MAD1L1: variants seen among roughly 807,000 people sequenced by gnomAD.
The protein encoded by MAD1L1 is mitotic arrest deficient 1 like 1.
Under a neutral mutation model 96.9 loss-of-function variants are expected in MAD1L1, and 95 were observed. That is an observed-to-expected ratio of 0.98 (90% confidence interval 0.83 to 1.16). The LOEUF (loss-of-function observed/expected upper bound fraction) is 1.16. Ranked by LOEUF, MAD1L1 falls within the 50% of genes most tolerant of loss-of-function variation. The pLI, the probability that MAD1L1 is intolerant of heterozygous loss-of-function variation, is 0.00. For synonymous variants in MAD1L1, 473 were observed against 396.6 expected (o/e 1.19, Z -2.29); for missense variants, 1,007 against 954.4 (o/e 1.06, Z -0.73).
chr7:2,128,994 T>C (rs538376233), intron 11 of MAD1L1, among the ~76,000 whole-genome samples: 34 of 152,228 alleles, frequency 2.2e-4, no homozygotes, highest in African/African-American at 7.0e-4. Flanking sequence ...CTTGAGGAGA[T>C]GGGGAGTGCT....
chr7:1,886,409 G>A lies in MAD1L1; in HGVS notation c.1998+11791C>T, dbSNP rs554423581. 6.6e-5 allele frequency among the ~76,000 whole-genome samples: 10 copies of A among 152,358 alleles called. No individual in the cohort carries two copies. In the South Asian group the frequency reaches 1.9e-3, roughly 28 times the overall value. ...CAAAGCGGATGCTTCATCTGAGAGT[G>A]ATAAATCCTGTGCAAATCTCAGCCT... is the stretch of plus-strand genomic sequence containing the variant. On this transcript the variant is annotated intron_variant, in intron 18 of 18. Coordinates refer to ENST00000265854, the MANE Select transcript of MAD1L1 (RefSeq NM_001013836.2).
chr7:2,196,394 C>T (rs1791986235), intron 10 of MAD1L1, among the ~76,000 whole-genome samples: 1 of 152,204 alleles, frequency 6.6e-6, no homozygotes, highest in Non-Finnish European at 1.5e-5. Context: ...TTCATTCCCA[C>T]CAGCGTCATT....
intron 5 of MAD1L1, 115 bp downstream of exon 5, chr7:2,222,460 C>T: frequency 2.4e-6 from 2 of 850,834 alleles, no homozygotes; most frequent in Admixed American, 6.0e-5. Context: ...CAAAACGCAG[C>T]TGCCCGTGTG....
At chr7:2,107,265 G>C (rs921018263) in intron 11 of MAD1L1, among the ~76,000 whole-genome samples, 1 of 152,220 alleles carries the variant, frequency 6.6e-6, no homozygotes, top group African/African-American at 2.4e-5. Context: ...CCGGTGGCAG[G>C]AAGCCCAGTC....
chr7:1,962,518 A>C (rs1487305182), intron 15 of MAD1L1, among the ~76,000 whole-genome samples: 1 of 152,256 alleles, frequency 6.6e-6, no homozygotes, highest in Admixed American at 6.5e-5. Flanking sequence ...AAAAGACAAG[A>C]CACAGACTGG....
rs1001732622 is a variant in MAD1L1, at chr7:1,873,731, G to A, written c.1998+24469C>T. Among the ~76,000 whole-genome samples the A allele has an allele frequency of 2.6e-5, 4 of 152,092 alleles. 1 individual carries two copies. Among genetic ancestry groups the A allele is most frequent in the Non-Finnish European group, 4.4e-5 (3 of 68,000 alleles). On this transcript the variant is annotated intron_variant, in intron 18 of 18. Transcript: ENST00000265854. Reference sequence around the variant, plus strand: ...TGCAGGATGTGCCCTGACAAGGGCCGCAGCTCACCCCTGATGGACACCCCC... The same window carrying A: ...TGCAGGATGTGCCCTGACAAGGGCCACAGCTCACCCCTGATGGACACCCCC...
intron 10 of MAD1L1, among the ~76,000 whole-genome samples, chr7:2,190,246 A>G (rs895746522): frequency 1.3e-5 from 2 of 152,232 alleles, no homozygotes; most frequent in African/African-American, 4.8e-5. Flanking sequence ...GCAAAGGCCC[A>G]TGAATGTATG....
At chr7:1,907,202 C>G (rs1294881422) in intron 17 of MAD1L1, among the ~76,000 whole-genome samples, 1 of 152,224 alleles carries the variant, frequency 6.6e-6, no homozygotes, top group Non-Finnish European at 1.5e-5. Flanking sequence ...CACCGCCTTG[C>G]CCCTGTCCCA....
intron 17 of MAD1L1, among the ~76,000 whole-genome samples, chr7:1,923,359 C>T (rs1332590568): frequency 6.6e-6 from 1 of 152,234 alleles, no homozygotes; most frequent in African/African-American, 2.4e-5. Flanking sequence ...CACAGCTTGT[C>T]AAGAGAAGCC....
intron 10 of MAD1L1, among the ~76,000 whole-genome samples, chr7:2,161,229 G>T (rs75340993): frequency 0.25 from 36,854 of 150,186 alleles, 5,490 homozygotes; most frequent in Middle Eastern, 0.32. Context: ...GCCTCAGCCT[G>T]CTGAGTGCCT....
rs1363859149 is a variant in MAD1L1 at position 1,903,949 on chromosome 7, G to A, written c.1808-5559C>T. Among the ~76,000 whole-genome samples the A allele has an allele frequency of 1.1e-3, 117 of 110,670 alleles. 11 individuals carry two copies. The East Asian group carries it at 0.013, about 12-fold the overall frequency. 72.6% of individuals were successfully genotyped at this position (110,670 alleles called of 152,430 possible). On this transcript the variant is annotated intron_variant, in intron 17 of 18. Coordinates refer to ENST00000265854, the MANE Select transcript of MAD1L1 (RefSeq NM_001013836.2). ...AGGCAGCGAGGACGCAGTGGCCTAC[G>A]GAAGACACTCTTGCGGAACTCATGA...
intron 17 of MAD1L1, among the ~76,000 whole-genome samples, chr7:1,905,223 G>A (rs759415208): frequency 2.2e-5 from 2 of 91,050 alleles, no homozygotes; most frequent in Admixed American, 1.2e-4. Context: ...CATGATTGAT[G>A]AAGCACTGTT....
rs765173893 is a variant in MAD1L1, at chr7:2,114,939, C to T, written c.1073+34213G>A. 5.9e-5 allele frequency among the ~76,000 whole-genome samples: 9 copies of T among 152,246 alleles called. No individual in the cohort carries two copies. The highest frequency in any genetic ancestry group is 1.3e-4 in the Non-Finnish European group (9 of 68,044). The stretch of plus-strand genomic sequence containing the variant: ...CCCCGCCTTCCGGTGAGCACCGCTG[C>T]AGCAGCAGGGAACCTTCCGGAAGAA... On this transcript the variant is annotated intron_variant, in intron 11 of 18. Coordinates refer to ENST00000265854, the MANE Select transcript of MAD1L1 (RefSeq NM_001013836.2). The surrounding 1 kb of genome is among the most constrained non-coding windows in gnomAD (Gnocchi z 4.2).
intron 12 of MAD1L1, among the ~76,000 whole-genome samples, chr7:2,023,171 C>T (rs938897941): frequency 6.6e-6 from 1 of 152,170 alleles, no homozygotes; most frequent in African/African-American, 2.4e-5. Flanking sequence ...AATTCAATAG[C>T]CCCATCAATC....
chr7:2,215,793 G>A, intron 9 of MAD1L1, 92 bp downstream of exon 9: 1 of 1,160,448 alleles, frequency 8.6e-7, no homozygotes, highest in Non-Finnish European at 1.3e-6. Flanking sequence ...CATGTTGTAG[G>A]TGAGCAGCTG....
chr7:2,071,102 G>C (rs1240588306), intron 11 of MAD1L1, among the ~76,000 whole-genome samples: 1 of 151,240 alleles, frequency 6.6e-6, no homozygotes, highest in African/African-American at 2.4e-5. Context: ...CGGTGGTTTG[G>C]GGAAGGGAAA....
intron 15 of MAD1L1, among the ~76,000 whole-genome samples, chr7:1,962,820 A>T (rs144597631): frequency 0.015 from 2,231 of 152,306 alleles, 33 homozygotes; most frequent in Non-Finnish European, 0.02. Flanking sequence ...GGTGGTGCAC[A>T]CCTGTAGTCC....
chr7:1,827,750 C>A (rs1463357992), intron 18 of MAD1L1, among the ~76,000 whole-genome samples: 21 of 122,166 alleles, frequency 1.7e-4, no homozygotes, highest in African/African-American at 6.0e-4. Flanking sequence ...GGGTCCTCCC[C>A]TCCTGAGCCC....
At chr7:1,876,669 A>T (rs1167161381) in intron 18 of MAD1L1, among the ~76,000 whole-genome samples, 1 of 151,360 alleles carries the variant, frequency 6.6e-6, no homozygotes, top group Non-Finnish European at 1.5e-5. Flanking sequence ...ATAAACACAA[A>T]CAGAAACCAA....
Sources: gnomAD v4.1 joint callset for allele counts (sites outside exome capture counted in the v4.1 genomes callset) on GRCh38, gnomAD v4.1.1 for gene constraint, Gnocchi (gnomAD v3.1) non-coding constraint, MANE v1.5 for transcripts, NCBI Gene and HGNC (gene_info 2026-07-23, HGNC 2026-07-21) for gene names.